Variants in IGFBP2 observed in about 807,000 individuals in gnomAD.
IGFBP2 encodes insulin like growth factor binding protein 2.
In IGFBP2, 12 loss-of-function variants were observed where a neutral mutation model predicts 26.2. The observed-to-expected ratio is 0.46, with a 90% CI of 0.29 to 0.74. The LOEUF (loss-of-function observed/expected upper bound fraction) is 0.74. IGFBP2 is among the 30% of genes least tolerant of loss of function. IGFBP2 has a pLI of 0.09. For synonymous variants in IGFBP2, 189 were observed against 200.6 expected (o/e 0.94, Z 0.49); for missense variants, 328 against 441.2 (o/e 0.74, Z 2.30).
upstream of IGFBP2, among the ~76,000 whole-genome samples, chr2:216,633,227 G>C (rs986612862): frequency 6.6e-6 from 1 of 152,156 alleles, no homozygotes; most frequent in Non-Finnish European, 1.5e-5. Flanking sequence ...GCGGAGGGAC[G>C]GGGCCCGGGA....
intron 1 of IGFBP2, among the ~76,000 whole-genome samples, chr2:216,657,718 C>T (rs1337468238): frequency 1.3e-5 from 2 of 152,206 alleles, no homozygotes; most frequent in African/African-American, 2.4e-5. Flanking sequence ...GGACTCCAAC[C>T]TAGCCTGGAG....
intron 3 of IGFBP2, 143 bp downstream of exon 3, chr2:216,662,141 G>A: frequency 1.0e-6 from 1 of 964,156 alleles, no homozygotes; most frequent in Non-Finnish European, 1.5e-6. Flanking sequence ...ATGGGGATTG[G>A]GATGCCAGCT....
chr2:216,645,498 T>C (rs1165827252), intron 1 of IGFBP2, among the ~76,000 whole-genome samples: 3 of 152,194 alleles, frequency 2.0e-5, no homozygotes, highest in Non-Finnish European at 4.4e-5. Context: ...GGCCTCCAGC[T>C]CTATAGTTCA....
At chr2:216,634,046 G>T in intron 1 of IGFBP2, 81 bp downstream of exon 1, 1 of 1,463,100 alleles carries the variant, frequency 6.8e-7, no homozygotes. Context: ...CCTTACGGAC[G>T]GTTTTAGGGG....
chr2:216,650,331 A>G (rs2106198398), intron 1 of IGFBP2, among the ~76,000 whole-genome samples: 1 of 152,376 alleles, frequency 6.6e-6, no homozygotes, highest in Middle Eastern at 3.4e-3. Flanking sequence ...CACCCTGCTT[A>G]GCGTCACTCA....
At chr2:216,651,664 AT>A (rs1697827409) in intron 1 of IGFBP2, among the ~76,000 whole-genome samples, 1 of 152,256 alleles carries the variant, frequency 6.6e-6, no homozygotes, top group African/African-American at 2.4e-5. Context: ...TTTTCCATGC[AT>A]TTGGCCATTC....
Position 216,633,575 on chromosome 2 carries a change from C to T in IGFBP2, c.52C>T (p.Leu18=). The T allele has an allele frequency of 9.8e-7, 1 of 1,015,922 alleles. No homozygotes were observed. Among genetic ancestry groups the T allele is most frequent in the Non-Finnish European group, 1.2e-6 (1 of 853,132 alleles). 62.9% of individuals were successfully genotyped at this position (1,015,922 alleles called of 1,614,324 possible). A position where few individuals can be genotyped will look rare whatever the true frequency, so the allele number is the denominator to read the frequency against. The change falls in exon 1 of 4, where the codon CTG becomes TTG. Residue 18 remains leucine (L), a synonymous_variant. Transcript: ENST00000233809. The part of the protein sequence containing the change: ...PALPLPPPPL[L]PLLLLLLGAS... ...GCTGCCGCTGCCGCCGCCGCCGCTG[C>T]TGCCGCTGCTGCTGCTGCTACTGGG...
chr2:216,649,255 A>G (rs1198890793), intron 1 of IGFBP2, among the ~76,000 whole-genome samples: 3 of 152,232 alleles, frequency 2.0e-5, no homozygotes, highest in Admixed American at 2.0e-4. Context: ...TAGGTCAGAA[A>G]TATTCTTTTT....
intron 1 of IGFBP2, among the ~76,000 whole-genome samples, chr2:216,643,319 A>G (rs184675455): frequency 9.2e-5 from 14 of 152,268 alleles, no homozygotes; most frequent in Admixed American, 4.6e-4. Flanking sequence ...GTGTCTTCTG[A>G]GTACTGGGGC....
chr2:216,659,691 T>C lies in IGFBP2; in HGVS notation c.443-866T>C, dbSNP rs940405431. 3 of 1,531,756 alleles carry C rather than the reference T, an allele frequency of 2.0e-6. No homozygotes were observed. In the African/African-American group the frequency reaches 4.1e-5, roughly 21 times the overall value. 94.9% of individuals were successfully genotyped at this position (1,531,756 alleles called of 1,614,324 possible). A position where few individuals can be genotyped will look rare whatever the true frequency, so the allele number is the denominator to read the frequency against. On this transcript the variant is annotated intron_variant, in intron 1 of 3. Coordinates refer to ENST00000233809, the MANE Select transcript of IGFBP2 (RefSeq NM_000597.3). ...TGCATACAAAAGGTTGAAGAAAGTA[T>C]AAGGAGACTTAATGGACGCTTGTTG...
intron 3 of IGFBP2, 30 bp from the exon 4 acceptor site, chr2:216,663,910 C>A: frequency 6.3e-7 from 1 of 1,594,230 alleles, no homozygotes; most frequent in Non-Finnish European, 8.6e-7. Context: ...TGGCTGCGGG[C>A]TCCTCCATGC....
intron 1 of IGFBP2, among the ~76,000 whole-genome samples, chr2:216,636,511 C>A (rs1050114286): frequency 3.6e-4 from 55 of 151,936 alleles, no homozygotes; most frequent in Admixed American, 2.8e-3. Context: ...AGCCTGTATC[C>A]CACGGGGACG....
At chr2:216,642,329 C>T (rs1428618144) in intron 1 of IGFBP2, among the ~76,000 whole-genome samples, 1 of 107,804 alleles carries the variant, frequency 9.3e-6, no homozygotes, top group Admixed American at 1.1e-4. Context: ...TTTTTTGAGA[C>T]GGAGTCTTGC....
chr2:216,634,646 A>G (rs1697456591), intron 1 of IGFBP2, among the ~76,000 whole-genome samples: 1 of 152,316 alleles, frequency 6.6e-6, no homozygotes. Context: ...CAGCTGAATC[A>G]ATGTAACTTA....
chr2:216,645,816 T>A (rs1262434704), intron 1 of IGFBP2, among the ~76,000 whole-genome samples: 1 of 152,176 alleles, frequency 6.6e-6, no homozygotes, highest in Non-Finnish European at 1.5e-5. Flanking sequence ...TTGAGAGTTT[T>A]CCAGGGGGCA....
At chr2:216,634,711 G>T (rs367608985) in intron 1 of IGFBP2, among the ~76,000 whole-genome samples, 2 of 152,216 alleles carry the variant, frequency 1.3e-5, no homozygotes, top group South Asian at 2.1e-4. Context: ...GTGCGGTTTC[G>T]CATCTGGGCC....
intron 1 of IGFBP2, among the ~76,000 whole-genome samples, chr2:216,651,263 A>G (rs1697818401): frequency 6.6e-6 from 1 of 152,148 alleles, no homozygotes; most frequent in Admixed American, 6.5e-5. Flanking sequence ...CTGAATTACT[A>G]ATCCCAGCCT....
intron 1 of IGFBP2, among the ~76,000 whole-genome samples, chr2:216,637,163 A>G (rs1697515596): frequency 1.3e-5 from 2 of 152,190 alleles, no homozygotes; most frequent in African/African-American, 2.4e-5. Flanking sequence ...AGTGGGATCT[A>G]CTGTCACTGA....
At chr2:216,648,301 C>T (rs572114302) in intron 1 of IGFBP2, among the ~76,000 whole-genome samples, 1 of 152,220 alleles carries the variant, frequency 6.6e-6, no homozygotes, top group Admixed American at 6.5e-5. Context: ...CCTGAGTCAT[C>T]TTGATTACTT....
Sources: gnomAD v4.1 joint callset for allele counts (sites outside exome capture counted in the v4.1 genomes callset) on GRCh38, gnomAD v4.1.1 for gene constraint, MANE v1.5 for transcripts, NCBI Gene and HGNC (gene_info 2026-07-23, HGNC 2026-07-21) for gene names.